STYK1: variants seen among roughly 807,000 people sequenced by gnomAD.
STYK1 encodes the protein tyrosine-protein kinase STYK1.
Under a neutral mutation model 48.1 loss-of-function variants are expected in STYK1, and 46 were observed. That is an observed-to-expected ratio of 0.96 (90% CI 0.75 to 1.22). The LOEUF (loss-of-function observed/expected upper bound fraction) is 1.22. Ranked by LOEUF, STYK1 falls within the 50% of genes most tolerant of loss-of-function variation. The pLI is 0.00. For missense variants in STYK1, 527 were observed against 521.1 expected (o/e 1.01, Z -0.11); for synonymous variants, 188 against 189.0 (o/e 0.99, Z 0.04).
rs1865865833 is a variant in STYK1 at position 10,619,159 on chromosome 12, A to G, written c.*985T>C. 6.6e-6 allele frequency: 1 copy of G among 152,212 alleles called. No individual in the cohort carries two copies. The highest frequency in any genetic ancestry group is 1.5e-5 in the Non-Finnish European group (1 of 68,034). 9.4% of individuals were successfully genotyped at this position (152,212 alleles called of 1,614,324 possible). A position where few individuals can be genotyped will look rare whatever the true frequency, so the allele number is the denominator to read the frequency against. Reference sequence around the variant, plus strand: ...CCTCCCTATGATATTTTTAGTAGTTATAAACCAGAAAAGCATATTTCCATT... The same window carrying G: ...CCTCCCTATGATATTTTTAGTAGTTGTAAACCAGAAAAGCATATTTCCATT... On this transcript the variant is annotated 3_prime_UTR_variant, in exon 11 of 11. Transcript: ENST00000075503.
intron 1 of STYK1, among the ~76,000 whole-genome samples, chr12:10,642,094 C>T (rs747725855): frequency 2.0e-5 from 3 of 152,160 alleles, no homozygotes; most frequent in African/African-American, 4.8e-5. Flanking sequence ...AACTGGAAAA[C>T]GGGCATGCCA....
intron 1 of STYK1, among the ~76,000 whole-genome samples, chr12:10,649,901 A>T (rs1947641656): frequency 6.6e-6 from 1 of 152,004 alleles, no homozygotes. Context: ...TCGCGAGGTC[A>T]GGAGATCGAG....
intron 1 of STYK1, among the ~76,000 whole-genome samples, chr12:10,654,793 G>A (rs879767718): frequency 6.6e-6 from 1 of 152,206 alleles, no homozygotes; most frequent in Non-Finnish European, 1.5e-5. Flanking sequence ...ACTATGGGAT[G>A]TTAACTGCTA....
At chr12:10,639,103 T>TTCATTC (rs1355944973) in intron 1 of STYK1, among the ~76,000 whole-genome samples, 1 of 152,178 alleles carries the variant, frequency 6.6e-6, no homozygotes, top group African/African-American at 2.4e-5. Flanking sequence ...TAGTTAGCGT[T>TTCATTC]TCATTCTTAC....
chr12:10,628,217 A>G (rs1947381979), intron 6 of STYK1, among the ~76,000 whole-genome samples: 1 of 152,238 alleles, frequency 6.6e-6, no homozygotes. Flanking sequence ...ATAATCATAC[A>G]TAAATCAATG....
intron 1 of STYK1, among the ~76,000 whole-genome samples, chr12:10,645,561 G>T (rs1450067214): frequency 6.6e-6 from 1 of 152,168 alleles, no homozygotes; most frequent in African/African-American, 2.4e-5. Flanking sequence ...CTGAAAAACA[G>T]AGAGATAGAT....
chr12:10,642,479 A>G (rs1338384837), intron 1 of STYK1, among the ~76,000 whole-genome samples: 2 of 152,140 alleles, frequency 1.3e-5, no homozygotes, highest in Non-Finnish European at 2.9e-5. Context: ...GCGATCATCA[A>G]TATGTGTTAG....
intron 2 of STYK1, among the ~76,000 whole-genome samples, chr12:10,636,508 G>A (rs920379212): frequency 7.2e-5 from 11 of 152,134 alleles, no homozygotes; most frequent in Non-Finnish European, 1.2e-4. Flanking sequence ...GGCTGAGAAA[G>A]CTTCCACAAT....
At chr12:10,655,076 C>A (rs182447918) in intron 1 of STYK1, among the ~76,000 whole-genome samples, 97 of 152,230 alleles carry the variant, frequency 6.4e-4, no homozygotes, top group African/African-American at 2.1e-3. Flanking sequence ...TCTCTTGCAA[C>A]GTTTTAATTA....
chr12:10,634,714 A>G (rs1481804014), intron 2 of STYK1, 28 bp from the exon 3 acceptor site: 2 of 1,398,860 alleles, frequency 1.4e-6, no homozygotes, highest in Non-Finnish European at 2.0e-6. Flanking sequence ...TTTGAAAAAA[A>G]TAAAATGAAT....
chr12:10,666,240 G>A (rs944239134), intron 1 of STYK1, among the ~76,000 whole-genome samples: 1 of 152,112 alleles, frequency 6.6e-6, no homozygotes, highest in African/African-American at 2.4e-5. Context: ...TTTTTTCACT[G>A]ACACAAACTA....
chr12:10,632,226 G>A (rs1383673377), intron 4 of STYK1, among the ~76,000 whole-genome samples: 4 of 151,868 alleles, frequency 2.6e-5, no homozygotes, highest in African/African-American at 9.7e-5. Flanking sequence ...AAAAGGTGGT[G>A]GGGAGAAGAA....
At chr12:10,641,984 C>T (rs761747409) in intron 1 of STYK1, among the ~76,000 whole-genome samples, 2 of 152,238 alleles carry the variant, frequency 1.3e-5, no homozygotes, top group Admixed American at 6.5e-5. Context: ...AAGCATGTCA[C>T]CTGACCTTGC....
chr12:10,632,567 A>ATG (rs1485114366), intron 4 of STYK1, among the ~76,000 whole-genome samples: 1 of 151,958 alleles, frequency 6.6e-6, no homozygotes, highest in Non-Finnish European at 1.5e-5. Flanking sequence ...AGGCTACTGC[A>ATG]TGTGTGTGTG....
chr12:10,645,206 G>C (rs529682775), intron 1 of STYK1, among the ~76,000 whole-genome samples: 1 of 152,192 alleles, frequency 6.6e-6, no homozygotes, highest in African/African-American at 2.4e-5. Context: ...AGGCAACATG[G>C]AGGTCACCCA....
chr12:10,649,897 G>A (rs1947641582), intron 1 of STYK1, among the ~76,000 whole-genome samples: 1 of 152,024 alleles, frequency 6.6e-6, no homozygotes, highest in Non-Finnish European at 1.5e-5. Flanking sequence ...CGGATCGCGA[G>A]GTCAGGAGAT....
intron 4 of STYK1, among the ~76,000 whole-genome samples, chr12:10,632,413 C>G (rs10845187): frequency 0.56 from 84,217 of 151,512 alleles, 24,554 homozygotes; most frequent in East Asian, 0.79. Context: ...AGCATAGCTG[C>G]AATAGTTGAG....
intron 7 of STYK1, among the ~76,000 whole-genome samples, chr12:10,626,247 A>G (rs1235243529): frequency 6.6e-6 from 1 of 152,218 alleles, no homozygotes; most frequent in Non-Finnish European, 1.5e-5. Flanking sequence ...CAGGTAGCAT[A>G]GGGTCCTGAT....
chr12:10,637,301 G>A (rs1423853684), intron 1 of STYK1, 105 bp from the exon 2 acceptor site: 1 of 151,674 alleles, frequency 6.6e-6, no homozygotes, highest in Non-Finnish European at 1.5e-5. Flanking sequence ...GTTTATTTAG[G>A]TAGAGGCATA....
Sources: allele counts gnomAD v4.1 joint callset (sites outside exome capture counted in the v4.1 genomes callset), GRCh38; gene constraint gnomAD v4.1.1; transcripts MANE v1.5; gene names NCBI Gene and HGNC (gene_info 2026-07-23, HGNC 2026-07-21).